TNIK: variants seen among roughly 807,000 people sequenced by gnomAD.
TNIK encodes the protein TRAF2 and NCK-interacting protein kinase.
Under a neutral mutation model 191.3 loss-of-function variants are expected in TNIK, and 49 were observed. The observed-to-expected ratio is 0.26, with a 90% CI of 0.20 to 0.32. The LOEUF (loss-of-function observed/expected upper bound fraction) is 0.32, where lower values mean the gene tolerates loss of function less well. Among genes scored for constraint, TNIK ranks in the 10% least tolerant of loss-of-function variants. The pLI, the probability that TNIK is intolerant of heterozygous loss-of-function variation, is 1.00. For synonymous variants in TNIK, 594 were observed against 600.9 expected (o/e 0.99, Z 0.17); for missense variants, 1,155 against 1,702.3 (o/e 0.68, Z 5.66).
At chr3:171,350,495 TC>T (rs557602552) in intron 2 of TNIK, among the ~76,000 whole-genome samples, 6 of 150,948 alleles carry the variant, frequency 4.0e-5, no homozygotes, top group Non-Finnish European at 7.4e-5. Flanking sequence ...TTAATTCTTC[TC>T]CCTGTTGAAA....
chr3:171,149,719 A>G (rs1382100728), intron 12 of TNIK, among the ~76,000 whole-genome samples: 1 of 152,240 alleles, frequency 6.6e-6, no homozygotes, highest in East Asian at 1.9e-4. Flanking sequence ...GTCCTGGACA[A>G]TGAGCATCTG....
At chr3:171,139,890 A>G (rs114878883) in intron 13 of TNIK, among the ~76,000 whole-genome samples, 2,075 of 152,310 alleles carry the variant, frequency 0.014, 34 homozygotes, top group African/African-American at 0.047. Context: ...ACAATGCTAT[A>G]AAGTTCAGAG....
intron 7 of TNIK, among the ~76,000 whole-genome samples, chr3:171,186,884 A>G (rs1306491450): frequency 6.6e-6 from 1 of 152,216 alleles, no homozygotes; most frequent in African/African-American, 2.4e-5. Flanking sequence ...CTCCTTAGCC[A>G]TAATCTGAGG....
At chr3:171,181,269 T>C (rs1439616489) in intron 7 of TNIK, among the ~76,000 whole-genome samples, 2 of 152,246 alleles carry the variant, frequency 1.3e-5, no homozygotes, top group Non-Finnish European at 2.9e-5. Flanking sequence ...CATGCATGTA[T>C]TGATCAGGTA....
intron 2 of TNIK, among the ~76,000 whole-genome samples, chr3:171,234,587 C>T (rs1212727760): frequency 6.6e-6 from 1 of 152,124 alleles, no homozygotes; most frequent in African/African-American, 2.4e-5. Context: ...TGCTCACAGA[C>T]ATGAAGTGGG....
intron 19 of TNIK, among the ~76,000 whole-genome samples, chr3:171,109,978 C>T (rs1013133548): frequency 2.6e-5 from 4 of 151,592 alleles, no homozygotes; most frequent in Non-Finnish European, 4.4e-5. Context: ...GATCTTGGCT[C>T]ACCACAACCT....
At chr3:171,158,861 T>C (rs1488821692) in intron 11 of TNIK, among the ~76,000 whole-genome samples, 1 of 152,018 alleles carries the variant, frequency 6.6e-6, no homozygotes, top group East Asian at 1.9e-4. Context: ...AAGCAGTTGA[T>C]GAAGAAGGAA....
chr3:171,104,891 A>AAAAAACAGCGGT (rs1162152141), intron 21 of TNIK, among the ~76,000 whole-genome samples: 8 of 152,046 alleles, frequency 5.3e-5, no homozygotes, highest in South Asian at 2.1e-4. Context: ...ACATACTAAT[A>AAAAAACAGCGGT]AAAAACAGCG....
chr3:171,351,655 C>T (rs951650890), intron 2 of TNIK, among the ~76,000 whole-genome samples: 1 of 152,132 alleles, frequency 6.6e-6, no homozygotes, highest in Admixed American at 6.6e-5. Context: ...ATTTCCAATT[C>T]ATAGTAGTAG....
chr3:171,078,245 T>C (rs368177156), intron 28 of TNIK, among the ~76,000 whole-genome samples: 1 of 152,156 alleles, frequency 6.6e-6, no homozygotes, highest in Non-Finnish European at 1.5e-5. Context: ...ACCTTTCTTA[T>C]ATTCTTTCTT....
intron 5 of TNIK, among the ~76,000 whole-genome samples, chr3:171,191,755 T>C (rs1738092818): frequency 6.6e-6 from 1 of 152,230 alleles, no homozygotes; most frequent in Non-Finnish European, 1.5e-5. Context: ...CTAAACCTGT[T>C]TGTGTTCCAT....
chr3:171,071,427 A>T, intron 28 of TNIK, 104 bp from the exon 29 acceptor site: 2 of 817,382 alleles, frequency 2.4e-6, no homozygotes, highest in Non-Finnish European at 1.8e-6. Context: ...TTAAATATTG[A>T]TGTTGGGTGT....
chr3:171,444,978 G>A (rs1300490647), intron 1 of TNIK, among the ~76,000 whole-genome samples: 1 of 152,032 alleles, frequency 6.6e-6, no homozygotes, highest in Non-Finnish European at 1.5e-5. Context: ...GCCTCCCAAA[G>A]TGCTGGGATT....
chr3:171,200,638 C>A (rs1739289735), intron 4 of TNIK, among the ~76,000 whole-genome samples: 2 of 152,206 alleles, frequency 1.3e-5, no homozygotes, highest in African/African-American at 4.8e-5. Flanking sequence ...TTTCAGAATA[C>A]TGAGTCAGCG....
At chr3:171,295,738 T>G (rs1217973522) in intron 2 of TNIK, among the ~76,000 whole-genome samples, 2 of 152,242 alleles carry the variant, frequency 1.3e-5, no homozygotes, top group African/African-American at 4.8e-5. Context: ...TAGCAATGTG[T>G]GGCCACCACA....
At chr3:171,318,677 A>AT (rs918068824) in intron 2 of TNIK, among the ~76,000 whole-genome samples, 1 of 152,080 alleles carries the variant, frequency 6.6e-6, no homozygotes, top group African/African-American at 2.4e-5. Context: ...AGATATCAAA[A>AT]TTTTTTTAAT....
At chr3:171,337,279 G>A (rs542055042) in intron 2 of TNIK, among the ~76,000 whole-genome samples, 5 of 152,210 alleles carry the variant, frequency 3.3e-5, no homozygotes, top group African/African-American at 1.2e-4. Flanking sequence ...AGGAGAGAAG[G>A]TAAGAGCCTC....
chr3:171,130,844 T>G (rs1193412739), intron 15 of TNIK, among the ~76,000 whole-genome samples: 1 of 152,222 alleles, frequency 6.6e-6, no homozygotes, highest in Non-Finnish European at 1.5e-5. Flanking sequence ...GAGGAATACT[T>G]GTAATTATTA....
chr3:171,317,780 G>GT (rs1754797038), intron 2 of TNIK, among the ~76,000 whole-genome samples: 1 of 152,156 alleles, frequency 6.6e-6, no homozygotes, highest in Non-Finnish European at 1.5e-5. Flanking sequence ...GTTCACATTG[G>GT]TATCCAGGTC....
Sources: gnomAD v4.1 joint callset for allele counts (sites outside exome capture counted in the v4.1 genomes callset) on GRCh38, gnomAD v4.1.1 for gene constraint, MANE v1.5 for transcripts, NCBI Gene and HGNC (gene_info 2026-07-23, HGNC 2026-07-21) for gene names.